TMEM114: variants seen among roughly 807,000 people sequenced by gnomAD.
TMEM114 encodes the protein transmembrane protein 114.
TMEM114 carries 6 observed loss-of-function variants against 6.2 expected under a neutral mutation model. The ratio of observed to expected loss-of-function variants is 0.97; its 90% CI spans 0.53 to 1.91. The LOEUF (loss-of-function observed/expected upper bound fraction) is 1.91, where lower values mean the gene tolerates loss of function less well. Among genes scored for constraint, TMEM114 ranks in the 40% most tolerant of loss-of-function variants. The probability of loss-of-function intolerance (pLI) is 0.01; values close to 1 mark genes in which losing one functional copy is unlikely to be tolerated. For missense variants in TMEM114, 218 were observed against 158.3 expected (o/e 1.38, Z -2.02); for synonymous variants, 104 against 73.0 (o/e 1.42, Z -2.16).
intron 2 of TMEM114, among the ~76,000 whole-genome samples, chr16:8,546,516 T>A (rs1900671500): frequency 6.6e-6 from 1 of 152,216 alleles, no homozygotes; most frequent in African/African-American, 2.4e-5. Flanking sequence ...CTGTTCTCTG[T>A]AAGTCAGACT....
chr16:8,533,062 G>T (rs749184093), downstream of TMEM114, among the ~76,000 whole-genome samples: 9 of 152,168 alleles, frequency 5.9e-5, no homozygotes, highest in Non-Finnish European at 1.0e-4. Flanking sequence ...CTACCATAAA[G>T]GTAGGGTAGT....
chr16:8,556,371 G>A (rs1002655901), intron 2 of TMEM114, among the ~76,000 whole-genome samples: 4 of 152,188 alleles, frequency 2.6e-5, no homozygotes, highest in African/African-American at 9.6e-5. Flanking sequence ...GGGTTGAAAA[G>A]GGGTGAAAAC....
At chr16:8,534,715 C>G (rs372154104), downstream of TMEM114, among the ~76,000 whole-genome samples, 1 of 152,202 alleles carries the variant, frequency 6.6e-6, no homozygotes. Flanking sequence ...AGGACTCTCA[C>G]TTATAAAATC....
intron 2 of TMEM114, among the ~76,000 whole-genome samples, chr16:8,539,346 C>G (rs1403042998): frequency 1.3e-5 from 2 of 152,110 alleles, no homozygotes; most frequent in Non-Finnish European, 2.9e-5. Context: ...AAGCTAGAAG[C>G]AGAATCCCAA....
intron 2 of TMEM114, among the ~76,000 whole-genome samples, chr16:8,555,554 C>T (rs1306762739): frequency 6.6e-6 from 1 of 152,150 alleles, no homozygotes; most frequent in East Asian, 1.9e-4. Flanking sequence ...TGTCATGGCG[C>T]TGGTAGATGC....
intron 3 of TMEM114, 110 bp from the exon 4 acceptor site, chr16:8,570,115 C>T: frequency 7.2e-7 from 1 of 1,398,142 alleles, no homozygotes; most frequent in East Asian, 2.5e-5. Context: ...CGTCCTCGCT[C>T]CTTCCTGCTG....
At chr16:8,539,585 C>G (rs1236698164) in intron 2 of TMEM114, among the ~76,000 whole-genome samples, 1 of 152,144 alleles carries the variant, frequency 6.6e-6, no homozygotes, top group Non-Finnish European at 1.5e-5. Context: ...TGAAGCTTCA[C>G]TCTTCCAGAT....
At chr16:8,547,279 A>G (rs1460013629) in intron 2 of TMEM114, among the ~76,000 whole-genome samples, 2 of 152,146 alleles carry the variant, frequency 1.3e-5, no homozygotes, top group Non-Finnish European at 2.9e-5. Flanking sequence ...GATTTCTCCA[A>G]AGGGGTTAAG....
At chr16:8,550,403 G>A (rs532573467) in intron 2 of TMEM114, among the ~76,000 whole-genome samples, 28 of 152,154 alleles carry the variant, frequency 1.8e-4, no homozygotes, top group Non-Finnish European at 2.6e-4. Flanking sequence ...CCTCCTGGCC[G>A]GGTGCGGTGG....
intron 2 of TMEM114, among the ~76,000 whole-genome samples, chr16:8,561,080 C>G (rs1249005988): frequency 2.6e-5 from 4 of 152,178 alleles, no homozygotes; most frequent in African/African-American, 9.7e-5. Flanking sequence ...GGAAACTGCT[C>G]CCATGATTCG....
chr16:8,570,984 T>C (rs771794793), intron 3 of TMEM114, among the ~76,000 whole-genome samples: 32 of 152,196 alleles, frequency 2.1e-4, no homozygotes, highest in Non-Finnish European at 3.8e-4. Context: ...TGTCACTGGG[T>C]GAACTATTAA....
At chr16:8,530,862 T>C in the TMEM114 span, among the ~76,000 whole-genome samples, 1 of 151,934 alleles carries the variant, frequency 6.6e-6, no homozygotes, top group South Asian at 2.1e-4. Flanking sequence ...CCACATCTAC[T>C]AAAAATGCAA....
chr16:8,557,438 C>G lies in TMEM114; in HGVS notation n.213-19612G>C, dbSNP rs1262153075. On this transcript the variant is annotated intron_variant and non_coding_transcript_variant, in intron 2 of 2. Coordinates refer to the TMEM114 transcript ENST00000623677. ...AGTGCTCAGCCTGCCCCTAGCTGCT[C>G]CACTGCCTGCTGTTCCAGCTCCAGC... 6.6e-5 allele frequency among the ~76,000 whole-genome samples: 10 copies of G among 152,170 alleles called. No homozygotes were observed. The East Asian group carries it at 1.9e-3, about 29-fold the overall frequency.
At chr16:8,539,750 T>A (rs1454366147) in intron 2 of TMEM114, among the ~76,000 whole-genome samples, 1 of 151,360 alleles carries the variant, frequency 6.6e-6, no homozygotes, top group Non-Finnish European at 1.5e-5. Context: ...ACAGAAAACC[T>A]AAACTAAAAA....
At chr16:8,534,489 G>C (rs906213848), downstream of TMEM114, among the ~76,000 whole-genome samples, 19 of 152,300 alleles carry the variant, frequency 1.2e-4, no homozygotes, top group Admixed American at 5.9e-4. Context: ...TCTGCTGGGA[G>C]GGTCTCTCCA....
chr16:8,566,363 C>T (rs1288898544), downstream of TMEM114, among the ~76,000 whole-genome samples: 2 of 123,052 alleles, frequency 1.6e-5, no homozygotes, highest in Non-Finnish European at 3.3e-5. Flanking sequence ...GGTGACAGAG[C>T]TAGACGCAGT....
chr16:8,558,901 C>A (rs1901104360), intron 2 of TMEM114, among the ~76,000 whole-genome samples: 1 of 135,088 alleles, frequency 7.4e-6, no homozygotes, highest in Non-Finnish European at 1.6e-5. Flanking sequence ...CCACCATGCC[C>A]AGCTAATTTT....
chr16:8,572,311 G>A, intron 2 of TMEM114, 87 bp from the exon 3 acceptor site: 2 of 1,468,412 alleles, frequency 1.4e-6, no homozygotes, highest in Non-Finnish European at 1.9e-6. Flanking sequence ...GCACCTACTA[G>A]AGCTGGGGAA....
At chr16:8,542,923 T>C (rs934192373) in intron 2 of TMEM114, among the ~76,000 whole-genome samples, 1 of 152,192 alleles carries the variant, frequency 6.6e-6, no homozygotes, top group Non-Finnish European at 1.5e-5. Flanking sequence ...TAATACAAAC[T>C]GCCGCTTATC....
Sources: gnomAD v4.1 joint callset for allele counts (sites outside exome capture counted in the v4.1 genomes callset) on GRCh38, gnomAD v4.1.1 for gene constraint, MANE v1.5 for transcripts, NCBI Gene and HGNC (gene_info 2026-07-23, HGNC 2026-07-21) for gene names.